LAMB4: variants seen among roughly 807,000 people sequenced by gnomAD.
LAMB4 encodes the protein laminin subunit beta-4.
Under a neutral mutation model 199.2 loss-of-function variants are expected in LAMB4, and 196 were observed. That is an observed-to-expected ratio of 0.98 (90% CI 0.88 to 1.11). The LOEUF (loss-of-function observed/expected upper bound fraction) is 1.11. LAMB4 is among the 50% of genes least tolerant of loss of function. The probability of loss-of-function intolerance (pLI) is 0.00; values close to 1 mark genes in which losing one functional copy is unlikely to be tolerated. For missense variants in LAMB4, 2,080 were observed against 2,171.2 expected (o/e 0.96, Z 0.83); for synonymous variants, 744 against 770.6 (o/e 0.97, Z 0.57).
chr7:108,126,588 C>G (rs1366045147), intron 1 of LAMB4, among the ~76,000 whole-genome samples: 2 of 80,806 alleles, frequency 2.5e-5, no homozygotes, highest in African/African-American at 9.4e-5. Context: ...GACGGAGTCT[C>G]GCTCTGTCGC....
chr7:108,068,745 G>T (rs2036431035), intron 18 of LAMB4, among the ~76,000 whole-genome samples: 1 of 152,130 alleles, frequency 6.6e-6, no homozygotes, highest in South Asian at 2.1e-4. Context: ...CCAGGCTGGA[G>T]TGCAGTAGTG....
intron 22 of LAMB4, 81 bp downstream of exon 22, chr7:108,063,680 A>G (rs1202147665): frequency 1.6e-6 from 2 of 1,257,174 alleles, no homozygotes; most frequent in East Asian, 2.3e-5. Flanking sequence ...CCTAACTGAA[A>G]TGATCATGGG....
chr7:108,120,650 A>G (rs2038566419), intron 2 of LAMB4, among the ~76,000 whole-genome samples: 1 of 152,230 alleles, frequency 6.6e-6, no homozygotes, highest in Non-Finnish European at 1.5e-5. Flanking sequence ...CGGAATTGGT[A>G]TCTAGGATAA....
chr7:108,076,143 TATGTATCAAAC>T, intron 17 of LAMB4, among the ~76,000 whole-genome samples: 1 of 152,150 alleles, frequency 6.6e-6, no homozygotes, highest in East Asian at 1.9e-4. Context: ...CAAATATACA[TATGTATCAAAC>T]ATGTATCAAA....
chr7:108,107,526 C>T, intron 6 of LAMB4, 105 bp downstream of exon 6: 1 of 836,786 alleles, frequency 1.2e-6, no homozygotes, highest in East Asian at 2.8e-5. Context: ...AAGCAACAGC[C>T]CAACTTACAT....
chr7:108,124,659 A>G (rs2038715311), intron 1 of LAMB4, among the ~76,000 whole-genome samples: 1 of 131,132 alleles, frequency 7.6e-6, no homozygotes, highest in South Asian at 2.4e-4. Context: ...TGTCAGTTTA[A>G]AAGGCAAAAA....
chr7:108,128,811 GC>G (rs1346500956), intron 1 of LAMB4, among the ~76,000 whole-genome samples: 1 of 152,190 alleles, frequency 6.6e-6, no homozygotes, highest in Non-Finnish European at 1.5e-5. Flanking sequence ...CCTCTCAGGG[GC>G]TACATGGCAC....
At chr7:108,027,460 G>T (rs1020102349) in intron 33 of LAMB4, among the ~76,000 whole-genome samples, 3 of 152,006 alleles carry the variant, frequency 2.0e-5, no homozygotes, top group Non-Finnish European at 2.9e-5. Flanking sequence ...CCTGACTTTG[G>T]CCCATACTAA....
intron 10 of LAMB4, 106 bp downstream of exon 10, chr7:108,102,938 T>C: frequency 1.1e-6 from 1 of 882,078 alleles, no homozygotes; most frequent in South Asian, 2.8e-5. Flanking sequence ...CAAAATAGGG[T>C]AGTTTGGAGA....
intron 25 of LAMB4, among the ~76,000 whole-genome samples, chr7:108,053,732 C>T (rs758689650): frequency 2.6e-5 from 4 of 152,202 alleles, no homozygotes; most frequent in Non-Finnish European, 5.9e-5. Flanking sequence ...GTGGCTCTTG[C>T]AGTCTCTGTC....
chr7:108,080,784 TA>T (rs2036900248), intron 14 of LAMB4, among the ~76,000 whole-genome samples: 1 of 151,458 alleles, frequency 6.6e-6, no homozygotes, highest in Non-Finnish European at 1.5e-5. Flanking sequence ...GAGGTATATG[TA>T]AAGTCATCAA....
rs57873858 is a variant in LAMB4, at chr7:108,080,957, A to G, written c.1702-1171T>C. 4.1e-3 allele frequency among the ~76,000 whole-genome samples: 630 copies of G among 152,172 alleles called. 6 individuals carry two copies. Among genetic ancestry groups the G allele is most frequent in the African/African-American group, 0.014 (601 of 41,506 alleles). On this transcript the variant is annotated intron_variant, in intron 14 of 33. Coordinates refer to ENST00000388781, the MANE Select transcript of LAMB4 (RefSeq NM_007356.3). Reference sequence around the variant, plus strand: ...GCCAACATGGTGAAATCCCGTCTCTACTAAAAATACAAAAATTATCTGGGA... The same window carrying G: ...GCCAACATGGTGAAATCCCGTCTCTGCTAAAAATACAAAAATTATCTGGGA...
At chr7:108,044,005 T>A in intron 28 of LAMB4, 109 bp from the exon 29 acceptor site, 1 of 870,210 alleles carries the variant, frequency 1.1e-6, no homozygotes, top group African/African-American at 1.8e-5. Context: ...CACTAAAAAC[T>A]AAATAAAAGT....
At chr7:108,074,988 T>C (rs2036649998) in intron 17 of LAMB4, among the ~76,000 whole-genome samples, 1 of 152,230 alleles carries the variant, frequency 6.6e-6, no homozygotes, top group Non-Finnish European at 1.5e-5. Context: ...TTGGGTTTCC[T>C]GATTATTATA....
At chr7:108,071,657 C>T (rs922153258) in intron 17 of LAMB4, among the ~76,000 whole-genome samples, 4 of 152,208 alleles carry the variant, frequency 2.6e-5, no homozygotes, top group African/African-American at 9.7e-5. Flanking sequence ...GCCTAACGCA[C>T]ATCCCACACA....
At chr7:108,109,123 C>A (rs1163715172) in intron 5 of LAMB4, 48 bp downstream of exon 5, 7 of 1,318,860 alleles carry the variant, frequency 5.3e-6, no homozygotes, top group Non-Finnish European at 7.7e-6. Context: ...AAACACTGAG[C>A]ATTTAGGGAA....
In LAMB4 at chr7:108,055,807, G is replaced by A; in HGVS notation, c.3580C>T (p.Gln1194Ter). 6.2e-7 allele frequency: 1 copy of A among 1,614,158 alleles called. No individual in the cohort carries two copies. The highest frequency in any genetic ancestry group is 8.5e-7 in the Non-Finnish European group (1 of 1,180,016). ...HTISSLSKAV[Q>*]GLMRLAANME... ...TTAGCAGCCAGTCTCATTAACCCTTGCACCGCTTTGGAGAGGGAAGAAATG... is the reference window on the plus strand; with the variant it reads ...TTAGCAGCCAGTCTCATTAACCCTTACACCGCTTTGGAGAGGGAAGAAATG... Residue 1194 changes from glutamine (Q) to a stop codon, truncating the protein, a stop_gained, in exon 25 of 34, where the codon CAA becomes TAA. Coordinates refer to ENST00000388781, the MANE Select transcript of LAMB4 (RefSeq NM_007356.3). LOFTEE classifies it high-confidence loss of function.
intron 1 of LAMB4, among the ~76,000 whole-genome samples, chr7:108,127,492 C>T (rs930568071): frequency 6.6e-6 from 1 of 152,126 alleles, no homozygotes; most frequent in Non-Finnish European, 1.5e-5. Context: ...ATAAGATAAC[C>T]AATTCATCCT....
intron 29 of LAMB4, among the ~76,000 whole-genome samples, chr7:108,038,452 G>GC (rs913614461): frequency 1.3e-5 from 2 of 152,156 alleles, no homozygotes; most frequent in Admixed American, 1.3e-4. Context: ...GAGCCACTGT[G>GC]CCCCCCAAAG....
Sources: allele counts gnomAD v4.1 joint callset (sites outside exome capture counted in the v4.1 genomes callset), GRCh38; gene constraint gnomAD v4.1.1; transcripts MANE v1.5; gene names NCBI Gene and HGNC (gene_info 2026-07-23, HGNC 2026-07-21).